Variants in UCP3 observed in about 807,000 individuals in gnomAD.
The protein encoded by UCP3 is putative mitochondrial transporter UCP3.
Under a neutral mutation model 28.1 loss-of-function variants are expected in UCP3, and 24 were observed. That is an observed-to-expected ratio of 0.85 (90% CI 0.62 to 1.20). The LOEUF is 1.20. Ranked by LOEUF, UCP3 falls within the 50% of genes most tolerant of loss-of-function variation. UCP3 has a pLI of 0.00. For missense variants in UCP3, 397 were observed against 422.2 expected, an observed-to-expected ratio of 0.94 and a Z score of 0.52; for synonymous variants, 184 against 171.2, an observed-to-expected ratio of 1.07 and a Z score of -0.59.
rs1441450653 is a variant in UCP3, at chr11:74,005,306, A to AG, written c.541+423dup. On this transcript the variant is annotated intron_variant, in intron 4 of 6. Coordinates refer to ENST00000314032, the MANE Select transcript of UCP3 (RefSeq NM_003356.4). ...CTCTTTTTCCTCCGGACCCTGCTTGAGGGCCCCTCCCCTTCCGTCTCCACA... is the reference window on the plus strand; with the variant it reads ...CTCTTTTTCCTCCGGACCCTGCTTGAGGGGCCCCTCCCCTTCCGTCTCCACA... Among the ~76,000 whole-genome samples the AG allele has an allele frequency of 2.6e-5, 4 of 152,132 alleles. No homozygotes were observed. In the East Asian group the frequency reaches 7.7e-4, roughly 29 times the overall value.
intron 6 of UCP3, chr11:74,003,330 G>A: frequency 3.0e-6 from 1 of 336,490 alleles, no homozygotes; most frequent in Non-Finnish European, 4.2e-6. Context: ...AAATGGCATT[G>A]CAGAAGTTCC....
chr11:74,007,932 A>G (rs972800513), intron 1 of UCP3, among the ~76,000 whole-genome samples: 1 of 152,170 alleles, frequency 6.6e-6, no homozygotes, highest in Admixed American at 6.5e-5. Context: ...GAAGAAGTCA[A>G]AAGTGGAACC....
intron 5 of UCP3, 45 bp downstream of exon 5, chr11:74,004,439 C>T (rs924799391): frequency 1.3e-6 from 2 of 1,594,358 alleles, no homozygotes; most frequent in African/African-American, 1.3e-5. Flanking sequence ...TCTGGGTTCC[C>T]TCCCTGCTGA....
intron 4 of UCP3, among the ~76,000 whole-genome samples, chr11:74,005,059 A>C (rs1292119592): frequency 1.3e-5 from 2 of 152,204 alleles, no homozygotes; most frequent in African/African-American, 4.8e-5. Context: ...AAGTGAGTGA[A>C]GAGCCCCAAC....
At chr11:74,003,687 G>A in intron 6 of UCP3, 140 bp downstream of exon 6, 1 of 1,458,872 alleles carries the variant, frequency 6.9e-7, no homozygotes, top group Non-Finnish European at 9.0e-7. Context: ...TACTTGCATG[G>A]TTTTTTAAAC....
At chr11:74,003,336 G>C (rs1286812693) in intron 6 of UCP3, 1 of 409,856 alleles carries the variant, frequency 2.4e-6, no homozygotes, top group Non-Finnish European at 3.3e-6. Flanking sequence ...CATTGCAGAA[G>C]TTCCCAGGGA....
chr11:74,004,608 G>C (rs1208825359), intron 4 of UCP3, 23 bp from the exon 5 acceptor site: 1 of 1,607,546 alleles, frequency 6.2e-7, no homozygotes. Context: ...CGGTGGGGAG[G>C]GATGTGAAAT....
intron 6 of UCP3, chr11:74,003,391 T>C (rs1322406135): frequency 1.1e-6 from 1 of 947,094 alleles, no homozygotes; most frequent in East Asian, 1.2e-4. Context: ...GAGGTGGCAT[T>C]TGAACTCGTC....
intron 2 of UCP3, 76 bp from the exon 3 acceptor site, chr11:74,006,455 G>A: frequency 7.1e-7 from 1 of 1,406,396 alleles, no homozygotes; most frequent in Non-Finnish European, 9.4e-7. Context: ...ACCCTGCTGG[G>A]GCTGGGCCTG....
intron 2 of UCP3, among the ~76,000 whole-genome samples, chr11:74,006,668 C>T (rs907128057): frequency 6.6e-6 from 1 of 152,224 alleles, no homozygotes; most frequent in African/African-American, 2.4e-5. Context: ...CTTACTTTTA[C>T]CTCACACTGC....
intron 6 of UCP3, among the ~76,000 whole-genome samples, chr11:74,002,548 G>A (rs145630133): frequency 6.6e-6 from 1 of 152,264 alleles, no homozygotes; most frequent in East Asian, 1.9e-4. Context: ...TGCAGATTAG[G>A]TGAGTTAATG....
rs757325030 is a variant in UCP3, at chr11:74,003,980, G to T, written c.671C>A (p.Ala224Asp). The T allele has an allele frequency of 7.4e-6, 12 of 1,613,968 alleles. No homozygotes were observed. Among genetic ancestry groups the T allele is most frequent in the Non-Finnish European group, 9.3e-6 (11 of 1,180,046 alleles). ...TGTGGCACAGAAGCCGGCTCCAAAG[G>T]CAGAGACAAAGTGGCAGGGGAAGTT... The part of the protein sequence containing the change: ...TDNFPCHFVS[A>D]FGAGFCATVV... Residue 224 changes from alanine to aspartate, a missense_variant, in exon 6 of 7, where the codon GCC becomes GAC. Transcript: ENST00000314032.
At position 74,006,277 on chromosome 11, in the gene UCP3, G is replaced by T. The variant is rs1951665533; in HGVS notation, c.229C>A (p.Pro77Thr). 1.1e-5 allele frequency: 18 copies of T among 1,613,312 alleles called. No individual in the cohort carries two copies. Among genetic ancestry groups the T allele is most frequent in the Non-Finnish European group, 1.4e-5 (17 of 1,179,984 alleles). The part of the protein sequence containing the change: ...TMVRTEGPCS[P>T]YNGLVAGLQR... The stretch of plus-strand genomic sequence containing the variant: ...AGGCCGGCCACCAGCCCATTGTAGG[G>T]GCTGCAGGGACCCTCAGTCCGCACC... Residue 77 changes from proline (P) to threonine (T), a missense_variant, in exon 3 of 7, where the codon CCC becomes ACC. Coordinates refer to ENST00000314032, the MANE Select transcript of UCP3 (RefSeq NM_003356.4).
chr11:74,003,695 A>T, intron 6 of UCP3, 132 bp downstream of exon 6: 1 of 1,460,396 alleles, frequency 6.8e-7, no homozygotes, highest in African/African-American at 1.4e-5. Flanking sequence ...TGGTTTTTTA[A>T]ACTTCTTCTT....
In UCP3 at chr11:74,005,941, G is replaced by C. The variant is rs369672783; in HGVS notation, c.338-8C>G. 19 of 1,613,776 alleles carry C rather than the reference G, an allele frequency of 1.2e-5. No homozygotes were observed. The highest frequency in any genetic ancestry group is 1.5e-5 in the Non-Finnish European group (18 of 1,179,968). On this transcript the variant is annotated splice_region_variant and splice_polypyrimidine_tract_variant and intron_variant, in intron 3 of 6. Transcript: ENST00000314032. The stretch of plus-strand genomic sequence containing the variant: ...GGGTAGTGAGGCTGGAGTCTGGGAG[G>C]GGCAGAGAGAGTGGGCCAGTGTCCC...
chr11:74,001,370 T>C lies in UCP3; in HGVS notation c.*42A>G, dbSNP rs1169148652. The C allele has an allele frequency of 1.3e-6, 2 of 1,595,304 alleles. No individual in the cohort carries two copies. Among genetic ancestry groups the C allele is most frequent in the East Asian group, 2.2e-5 (1 of 44,774 alleles). On this transcript the variant is annotated 3_prime_UTR_variant, in exon 7 of 7. Transcript: ENST00000314032. Reference sequence around the variant, plus strand: ...TGCACCGTTTTCTTCCATTCTTAACTGGTTTCGGACACGTTAGCTACCAGT... The same window carrying C: ...TGCACCGTTTTCTTCCATTCTTAACCGGTTTCGGACACGTTAGCTACCAGT...
chr11:74,005,865 G>A lies in UCP3; in HGVS notation c.406C>T (p.Pro136Ser), dbSNP rs1281893510. The change falls in exon 4 of 7, where the codon CCC (proline) becomes TCC (serine). Residue 136 changes from proline to serine, a missense_variant. Coordinates refer to ENST00000314032, the MANE Select transcript of UCP3 (RefSeq NM_003356.4). ...AATCGGACCTTCACCACATCTGTGG[G>A]CTGGGCACAGGTCACCGCCATGGCT... ...TGAMAVTCAQ[P>S]TDVVKVRFQA... is the part of the protein sequence containing the mutation. 2.5e-5 allele frequency: 40 copies of A among 1,614,082 alleles called. No homozygotes were observed. The Admixed American group carries it at 3.2e-4, about 13-fold the overall frequency.
intron 1 of UCP3, among the ~76,000 whole-genome samples, chr11:74,008,287 A>G (rs1726038705): frequency 6.6e-6 from 1 of 152,200 alleles, no homozygotes; most frequent in African/African-American, 2.4e-5. Context: ...GCTTGTTTAC[A>G]GAGCAGATTC....
In UCP3 at chr11:74,003,686, G is replaced by C. The variant is rs1591234545; in HGVS notation, c.824+141C>G. On this transcript the variant is annotated intron_variant, in intron 6 of 6. Coordinates refer to ENST00000314032, the MANE Select transcript of UCP3 (RefSeq NM_003356.4). ...TTCACTTTTTTTCTTTTACTTGCAT[G>C]GTTTTTTAAACTTCTTCTTTGTGGC... 9 of 1,457,618 alleles carry C rather than the reference G, an allele frequency of 6.2e-6. No individual in the cohort carries two copies. The East Asian group carries it at 1.9e-4, about 31-fold the overall frequency. 90.3% of individuals were successfully genotyped at this position (1,457,618 alleles called of 1,614,324 possible).
Sources: allele counts gnomAD v4.1 joint callset (sites outside exome capture counted in the v4.1 genomes callset), GRCh38; gene constraint gnomAD v4.1.1; transcripts MANE v1.5; gene names NCBI Gene and HGNC (gene_info 2026-07-23, HGNC 2026-07-21).